CEP78: variants seen among roughly 807,000 people sequenced by gnomAD.
CEP78 encodes the protein centrosomal protein of 78 kDa.
In CEP78, 76 loss-of-function variants were observed where a neutral mutation model predicts 81.2. That is an observed-to-expected ratio of 0.94 (90% CI 0.78 to 1.13). The LOEUF (loss-of-function observed/expected upper bound fraction) is 1.13, where lower values mean the gene tolerates loss of function less well. Among genes scored for constraint, CEP78 ranks in the 50% most tolerant of loss-of-function variants. CEP78 has a pLI of 0.00. For synonymous variants in CEP78, 293 were observed against 301.4 expected, an observed-to-expected ratio of 0.97 and a Z score of 0.29; for missense variants, 918 against 846.8, an observed-to-expected ratio of 1.08 and a Z score of -1.04.
chr9:78,259,716 G>A (rs1827191091), intron 11 of CEP78, among the ~76,000 whole-genome samples: 1 of 152,078 alleles, frequency 6.6e-6, no homozygotes, highest in Non-Finnish European at 1.5e-5. Flanking sequence ...TTATAGATGA[G>A]GAAATTAAGA....
At chr9:78,251,116 ATAGG>A (rs775025772) in intron 8 of CEP78, among the ~76,000 whole-genome samples, 18 of 152,238 alleles carry the variant, frequency 1.2e-4, no homozygotes, top group Non-Finnish European at 8.8e-5. Flanking sequence ...ATTAATATTA[ATAGG>A]TAGGTCTAGC....
At chr9:78,237,875 G>T (rs200214188) in intron 1 of CEP78, among the ~76,000 whole-genome samples, 1 of 151,196 alleles carries the variant, frequency 6.6e-6, no homozygotes, top group African/African-American at 2.4e-5. Flanking sequence ...AGGCCAAGGC[G>T]GGGGGGTGTG....
At chr9:78,250,608 G>A (rs1049594070) in intron 8 of CEP78, among the ~76,000 whole-genome samples, 1 of 152,092 alleles carries the variant, frequency 6.6e-6, no homozygotes, top group East Asian at 1.9e-4. Context: ...GCGTGGCGGC[G>A]TGCACCTGTA....
chr9:78,266,176 A>T (rs144409165), intron 15 of CEP78, among the ~76,000 whole-genome samples: 382 of 152,132 alleles, frequency 2.5e-3, no homozygotes, highest in African/African-American at 9.0e-3. Context: ...AAAGATACTA[A>T]TTTTCTTATA....
intron 13 of CEP78, among the ~76,000 whole-genome samples, chr9:78,264,794 G>A (rs951311329): frequency 6.6e-6 from 1 of 152,096 alleles, no homozygotes; most frequent in Admixed American, 6.5e-5. Context: ...TGTTAAATAA[G>A]TTTGAATTAA....
At chr9:78,269,667 A>G (rs531286308) in intron 16 of CEP78, among the ~76,000 whole-genome samples, 1 of 152,338 alleles carries the variant, frequency 6.6e-6, no homozygotes, top group South Asian at 2.1e-4. Flanking sequence ...AGAGCAATTC[A>G]CTGAATTGGT....
In CEP78 at chr9:78,264,247, GTGT is replaced by G; in HGVS notation, c.1558_1560del (p.Val520del). On this transcript the variant is annotated inframe_deletion, in exon 13 of 17. Coordinates refer to ENST00000643273, the MANE Select transcript of CEP78 (RefSeq NM_001330691.3). ...ACAAATATGATCCTGGATGATGAAGGTGTTTTGGGCAGCATTGAGAATTCTTTT... is the reference window on the plus strand; with the variant it reads ...ACAAATATGATCCTGGATGATGAAGGTTTGGGCAGCATTGAGAATTCTTTT... The G allele has an allele frequency of 6.2e-7, 1 of 1,611,702 alleles. No individual in the cohort carries two copies. The highest frequency in any genetic ancestry group is 1.1e-5 in the South Asian group (1 of 90,902).
intron 1 of CEP78, among the ~76,000 whole-genome samples, chr9:78,237,899 C>T (rs1311367527): frequency 7.2e-6 from 1 of 139,744 alleles, no homozygotes; most frequent in Non-Finnish European, 1.5e-5. Context: ...CACCTGAGGT[C>T]AGGAGTTCGA....
At chr9:78,262,187 T>C (rs1563995274) in intron 11 of CEP78, among the ~76,000 whole-genome samples, 1 of 151,448 alleles carries the variant, frequency 6.6e-6, no homozygotes, top group Non-Finnish European at 1.5e-5. Context: ...GAGCATTTCA[T>C]CATAGGGATG....
chr9:78,252,882 A>G (rs1214722175), intron 9 of CEP78, among the ~76,000 whole-genome samples: 1 of 152,240 alleles, frequency 6.6e-6, no homozygotes, highest in Non-Finnish European at 1.5e-5. Context: ...ATAACTTCAC[A>G]GTTTCATATC....
intron 1 of CEP78, among the ~76,000 whole-genome samples, chr9:78,238,228 C>T (rs1826056163): frequency 6.6e-6 from 1 of 152,080 alleles, no homozygotes; most frequent in South Asian, 2.1e-4. Context: ...TGACAGTTTA[C>T]AGCAGCGTCT....
rs145477299 is a variant in CEP78 at position 78,247,529 on chromosome 9, G to A, written c.892+747G>A. 3.9e-3 allele frequency among the ~76,000 whole-genome samples: 597 copies of A among 152,288 alleles called. 4 individuals are homozygous for A. Among genetic ancestry groups the A allele is most frequent in the African/African-American group, 0.014 (568 of 41,560 alleles). ...CTACAAAGTCAGACAACTAGCCAGG[G>A]GCCTGATCTTGTAAGGTTTGAAGGT... On this transcript the variant is annotated intron_variant, in intron 6 of 16. Transcript: ENST00000643273.
chr9:78,236,442 T>C lies in CEP78; in HGVS notation c.92T>C (p.Leu31Pro). 6.2e-7 allele frequency: 1 copy of C among 1,602,876 alleles called. No individual in the cohort carries two copies. Among genetic ancestry groups the C allele is most frequent in the Non-Finnish European group, 8.5e-7 (1 of 1,175,030 alleles). The change falls in exon 1 of 17, where the codon CTG (leucine) becomes CCG (proline). Residue 31 changes from leucine (L) to proline (P), a missense_variant. Coordinates refer to ENST00000643273, the MANE Select transcript of CEP78 (RefSeq NM_001330691.3). ...YLCALQNSVPLPAVRACLREG... is the reference protein window; with the variant it reads ...YLCALQNSVPPPAVRACLREG... ...TGCGCGCTGCAGAACTCGGTGCCGC[T>C]GCCCGCCGTGCGCGCCTGTCTCCGG... is the stretch of plus-strand genomic sequence containing the variant.
chr9:78,240,275 T>G lies in CEP78; in HGVS notation c.427-17T>G. 6.2e-7 allele frequency: 1 copy of G among 1,608,294 alleles called. No individual in the cohort carries two copies. The highest frequency in any genetic ancestry group is 8.5e-7 in the Non-Finnish European group (1 of 1,176,728). On this transcript the variant is annotated splice_polypyrimidine_tract_variant and intron_variant, in intron 2 of 16. Transcript: ENST00000643273. ...AAAAACCTCAATAACATTTTTAACT[T>G]TTCCCCCTCATTAAAGGGATTGAAT...
At chr9:78,267,074 C>A (rs1215701258) in intron 16 of CEP78, 1 of 1,069,964 alleles carries the variant, frequency 9.3e-7, no homozygotes, top group East Asian at 5.3e-5. Flanking sequence ...TTTATTATGG[C>A]ATATGGTGTC....
chr9:78,267,222 A>C (rs970231225), intron 16 of CEP78: 1 of 384,990 alleles, frequency 2.6e-6, no homozygotes, highest in African/African-American at 2.1e-5. Context: ...AGTATGTATA[A>C]TATCATTCTG....
At chr9:78,263,781 C>T (rs887863097) in intron 12 of CEP78, among the ~76,000 whole-genome samples, 18 of 152,162 alleles carry the variant, frequency 1.2e-4, no homozygotes, top group African/African-American at 4.1e-4. Context: ...AAGTATTTTA[C>T]TGGCAAAAAT....
rs1827504351 is a variant in CEP78, at chr9:78,265,867, TTGTA to T, written c.1809_1812del (p.Met604SerfsTer9). 7.2e-7 allele frequency: 1 copy of T among 1,387,810 alleles called. No individual in the cohort carries two copies. Among genetic ancestry groups the T allele is most frequent in the East Asian group, 2.5e-5 (1 of 40,238 alleles). The allele number at this position is 1,387,810 out of a possible 1,614,324, so 86.0% of individuals were successfully genotyped here. A position where few individuals can be genotyped will look rare whatever the true frequency, so the allele number is the denominator to read the frequency against. Reference sequence around the variant, plus strand: ...ATTCATATTCCATCTAGGTTTCTATTTGTATGCAGTCAGCTTACAATGAAGGAAC... The same window carrying T: ...ATTCATATTCCATCTAGGTTTCTATTTGCAGTCAGCTTACAATGAAGGAAC... On this transcript the variant is annotated frameshift_variant, in exon 15 of 17. Coordinates refer to ENST00000643273, the MANE Select transcript of CEP78 (RefSeq NM_001330691.3). LOFTEE classifies it high-confidence loss of function.
intron 8 of CEP78, chr9:78,250,155 A>C: frequency 2.5e-6 from 1 of 397,500 alleles, no homozygotes; most frequent in South Asian, 1.3e-4. Flanking sequence ...AGCATGATTA[A>C]AGAAATTGGA....
Sources: gnomAD v4.1 joint callset for allele counts (sites outside exome capture counted in the v4.1 genomes callset) on GRCh38, gnomAD v4.1.1 for gene constraint, MANE v1.5 for transcripts, NCBI Gene and HGNC (gene_info 2026-07-23, HGNC 2026-07-21) for gene names.